CDH13: variants seen among roughly 807,000 people sequenced by gnomAD.
CDH13 encodes cadherin-13.
CDH13 carries 24 observed loss-of-function variants against 63.8 expected under a neutral mutation model. The ratio of observed to expected loss-of-function variants is 0.38; its 90% CI spans 0.27 to 0.53. The LOEUF (loss-of-function observed/expected upper bound fraction) is 0.53, where lower values mean the gene tolerates loss of function less well. Ranked by LOEUF, CDH13 falls within the 20% of genes least tolerant of loss-of-function variation. The pLI is 0.85. For synonymous variants in CDH13, 503 were observed against 355.3 expected, an observed-to-expected ratio of 1.42 and a Z score of -4.67; for missense variants, 1,049 against 903.1, an observed-to-expected ratio of 1.16 and a Z score of -2.07.
chr16:83,031,207 A>G (rs1389665935), intron 2 of CDH13, among the ~76,000 whole-genome samples: 1 of 147,234 alleles, frequency 6.8e-6, no homozygotes, highest in South Asian at 2.1e-4. Flanking sequence ...ATGCGCATGT[A>G]TACACCATAT....
intron 3 of CDH13, among the ~76,000 whole-genome samples, chr16:83,036,861 C>G (rs946696914): frequency 2.6e-5 from 4 of 152,146 alleles, no homozygotes. Flanking sequence ...CCCATACACC[C>G]CACACAAGCC....
chr16:83,619,816 G>T (rs1011830082), intron 8 of CDH13, among the ~76,000 whole-genome samples: 1 of 152,236 alleles, frequency 6.6e-6, no homozygotes, highest in African/African-American at 2.4e-5. Flanking sequence ...GAGGTCCTGA[G>T]GGTTCAGATT....
At chr16:83,588,239 C>T (rs916912557) in intron 7 of CDH13, among the ~76,000 whole-genome samples, 6 of 152,222 alleles carry the variant, frequency 3.9e-5, no homozygotes, top group African/African-American at 9.6e-5. Context: ...TGCCACGCCC[C>T]GCAAAACCAG....
chr16:82,818,929 A>G (rs558156031), intron 1 of CDH13, among the ~76,000 whole-genome samples: 10 of 152,336 alleles, frequency 6.6e-5, no homozygotes, highest in Non-Finnish European at 1.3e-4. Flanking sequence ...CAATGACAGA[A>G]CTTGCTCCCC....
At chr16:83,054,698 A>G (rs1480356212) in intron 3 of CDH13, among the ~76,000 whole-genome samples, 3 of 152,196 alleles carry the variant, frequency 2.0e-5, no homozygotes, top group African/African-American at 7.2e-5. Context: ...AATAAAACTA[A>G]TATATATAAT....
intron 1 of CDH13, among the ~76,000 whole-genome samples, chr16:82,629,489 T>C (rs1363612531): frequency 6.6e-6 from 1 of 152,164 alleles, no homozygotes; most frequent in African/African-American, 2.4e-5. Context: ...GGGAAAGTCT[T>C]CGAGGCCTTG....
At chr16:83,724,023 G>A (rs35856854) in intron 10 of CDH13, among the ~76,000 whole-genome samples, 1 of 151,212 alleles carries the variant, frequency 6.6e-6, no homozygotes, top group African/African-American at 2.4e-5. Flanking sequence ...TGCATGGGTG[G>A]GTGATGAACG....
intron 1 of CDH13, among the ~76,000 whole-genome samples, chr16:82,800,675 C>T (rs1179438130): frequency 6.6e-6 from 1 of 152,138 alleles, no homozygotes; most frequent in Non-Finnish European, 1.5e-5. Flanking sequence ...TTGCATACTG[C>T]TTGTCCTTGG....
intron 2 of CDH13, among the ~76,000 whole-genome samples, chr16:82,908,458 T>C (rs993602693): frequency 6.6e-6 from 1 of 152,082 alleles, no homozygotes; most frequent in Non-Finnish European, 1.5e-5. Flanking sequence ...GCACCCCAGG[T>C]TAACACAGGG....
At chr16:82,646,866 C>G (rs1418512295) in intron 1 of CDH13, among the ~76,000 whole-genome samples, 2 of 152,138 alleles carry the variant, frequency 1.3e-5, no homozygotes, top group African/African-American at 2.4e-5. Context: ...AGATCTGAAG[C>G]AGATATACTC....
intron 5 of CDH13, among the ~76,000 whole-genome samples, chr16:83,261,060 GGATTTAAGAGGCCCCT>G (rs1265882024): frequency 6.6e-6 from 1 of 152,060 alleles, no homozygotes; most frequent in Non-Finnish European, 1.5e-5. Flanking sequence ...TTCAGGGAAA[GGATTTAAGAGGCCCCT>G]TGGCTCACAG....
chr16:83,186,209 A>G (rs1162168578), intron 4 of CDH13, among the ~76,000 whole-genome samples: 1 of 151,544 alleles, frequency 6.6e-6, no homozygotes, highest in Non-Finnish European at 1.5e-5. Context: ...ATCTCGGATC[A>G]CTGCAGCCAA....
At chr16:82,963,644 A>C (rs1437249973) in intron 2 of CDH13, among the ~76,000 whole-genome samples, 1 of 152,158 alleles carries the variant, frequency 6.6e-6, no homozygotes, top group Non-Finnish European at 1.5e-5. Context: ...AGTATGCTCC[A>C]TGGGGAGAGA....
chr16:83,150,056 T>A (rs1346519199), intron 4 of CDH13, among the ~76,000 whole-genome samples: 1 of 152,166 alleles, frequency 6.6e-6, no homozygotes, highest in African/African-American at 2.4e-5. Context: ...TAAGACTGAT[T>A]TTTGCCTCTC....
chr16:83,444,778 C>T (rs1350290129), intron 6 of CDH13, among the ~76,000 whole-genome samples: 1 of 46,748 alleles, frequency 2.1e-5, no homozygotes, highest in Admixed American at 2.1e-4. Flanking sequence ...TTATTTCATT[C>T]ATAATATTCT....
chr16:83,208,677 C>T (rs780765360), intron 4 of CDH13, among the ~76,000 whole-genome samples: 11 of 152,186 alleles, frequency 7.2e-5, no homozygotes, highest in Non-Finnish European at 1.5e-4. Flanking sequence ...GTGCTGTTCA[C>T]ATGTGATTTG....
intron 5 of CDH13, among the ~76,000 whole-genome samples, chr16:83,232,125 A>C (rs2040013382): frequency 1.3e-5 from 2 of 151,818 alleles, no homozygotes; most frequent in Admixed American, 1.3e-4. Context: ...TGATTGATGA[A>C]ATAATGTTTA....
chr16:83,097,903 C>CA (rs1021895907), intron 3 of CDH13, among the ~76,000 whole-genome samples: 1 of 151,798 alleles, frequency 6.6e-6, no homozygotes, highest in Non-Finnish European at 1.5e-5. Context: ...TTCCTTCTTA[C>CA]AAAAAATATC....
At chr16:83,513,721 C>T (rs2151608260) in intron 7 of CDH13, among the ~76,000 whole-genome samples, 1 of 152,272 alleles carries the variant, frequency 6.6e-6, no homozygotes, top group Non-Finnish European at 1.5e-5. Flanking sequence ...AATTACCTCT[C>T]ACCAGGCCCC....
Sources: gnomAD v4.1 joint callset for allele counts (sites outside exome capture counted in the v4.1 genomes callset) on GRCh38, gnomAD v4.1.1 for gene constraint, MANE v1.5 for transcripts, NCBI Gene and HGNC (gene_info 2026-07-23, HGNC 2026-07-21) for gene names.